The following ZNF397 variants were observed in gnomAD, a reference collection of about 807,000 sequenced individuals.
ZNF397 encodes the protein zinc finger and SCAN domain-containing protein 15.
ZNF397 carries 38 observed loss-of-function variants against 50.6 expected under a neutral mutation model. That is an observed-to-expected ratio of 0.75 (90% CI 0.58 to 0.98). The LOEUF is 0.98. Among genes scored for constraint, ZNF397 ranks in the 50% least tolerant of loss-of-function variants. The pLI is 0.00. For synonymous variants in ZNF397, 228 were observed against 215.2 expected (o/e 1.06, Z -0.52); for missense variants, 624 against 624.1 (o/e 1.00, Z 0.00).
At position 35,249,634 on chromosome 18, in the gene ZNF397, CAG is replaced by C. The variant is rs2043539215; in HGVS notation, c.*3327_*3328del. ...TACCACTGTATTCCAGCCTGGGTGA[CAG>C]AGTGAGACTGTGTCTCAAAAAAAAA... On this transcript the variant is annotated 3_prime_UTR_variant, in exon 4 of 4. Coordinates refer to ENST00000330501, the MANE Select transcript of ZNF397 (RefSeq NM_001135178.3). The C allele has an allele frequency of 2.9e-5, 3 of 102,754 alleles. No homozygotes were observed. The highest frequency in any genetic ancestry group is 1.6e-4 in the Admixed American group (1 of 6,094). The allele number at this position is 102,754 out of a possible 1,614,324, so 6.4% of individuals were successfully genotyped here. A position where few individuals can be genotyped will look rare whatever the true frequency, so the allele number is the denominator to read the frequency against.
rs753489329 is a variant in ZNF397, at chr18:35,247,666, A to ATTTTTTTTTTTTTTTTTTTTTTTTTT, written c.*1381_*1382insTTTTTTTTTTTTTTTTTTTTTTTTTT. 1 of 71,946 alleles carries ATTTTTTTTTTTTTTTTTTTTTTTTTT rather than the reference A, an allele frequency of 1.4e-5. No homozygotes were observed. Among genetic ancestry groups the ATTTTTTTTTTTTTTTTTTTTTTTTTT allele is most frequent in the Non-Finnish European group, 2.4e-5 (1 of 41,590 alleles). 4.5% of individuals were successfully genotyped at this position (71,946 alleles called of 1,614,324 possible). On this transcript the variant is annotated 3_prime_UTR_variant, in exon 4 of 4. Transcript: ENST00000330501. ...CCAGTATTTCACAATATCTTTTGCAATTTTTTTTTTTTTTTTTTTTTTTTT... is the reference window on the plus strand; with the variant it reads ...CCAGTATTTCACAATATCTTTTGCAATTTTTTTTTTTTTTTTTTTTTTTTTTTTTTTTTTTTTTTTTTTTTTTTTTT...
chr18:35,245,921 T>A lies in ZNF397; in HGVS notation c.1216T>A (p.Phe406Ile). ...TGAGTGTAATGAATGTGGGAAAACCTTTAGCCAGAGCTCAAAACTCATTAG... is the reference window on the plus strand; with the variant it reads ...TGAGTGTAATGAATGTGGGAAAACCATTAGCCAGAGCTCAAAACTCATTAG... ...PYECNECGKTFSQSSKLIRHQ... is the reference protein window; with the variant it reads ...PYECNECGKTISQSSKLIRHQ... Residue 406 changes from phenylalanine to isoleucine, a missense_variant, in exon 4 of 4, where the codon TTT (phenylalanine) becomes ATT (isoleucine). Phe to Ile is a conservative substitution (Grantham distance 21). Transcript: ENST00000330501. 6.4e-7 allele frequency: 1 copy of A among 1,572,584 alleles called. No individual in the cohort carries two copies. Among genetic ancestry groups the A allele is most frequent in the East Asian group, 2.4e-5 (1 of 42,428 alleles).
chr18:35,255,964 A>G (rs1378425520), intron 5 of ZNF397, among the ~76,000 whole-genome samples: 2 of 152,256 alleles, frequency 1.3e-5, no homozygotes, highest in African/African-American at 4.8e-5. Flanking sequence ...GAAAGTAATA[A>G]ATAGGTCAAA....
chr18:35,242,122 T>TTC (rs1456987290), intron 1 of ZNF397, among the ~76,000 whole-genome samples: 2 of 152,242 alleles, frequency 1.3e-5, no homozygotes, highest in Non-Finnish European at 2.9e-5. Context: ...AAAGGAAATT[T>TTC]TCTCACTATG....
At chr18:35,257,799 T>C in intron 5 of ZNF397, 1 of 756,716 alleles carries the variant, frequency 1.3e-6, no homozygotes, top group South Asian at 1.4e-5. Context: ...GAGACAACTC[T>C]GCAGTGCAAT....
chr18:35,245,384 G>A lies in ZNF397; in HGVS notation c.679G>A (p.Gly227Arg), dbSNP rs767853301. 3.7e-6 allele frequency: 6 copies of A among 1,604,096 alleles called. No individual in the cohort carries two copies. In the South Asian group the frequency reaches 4.5e-5, roughly 12 times the overall value. Residue 227 changes from glycine (G) to arginine (R), a missense_variant, in exon 4 of 4, where the codon GGA becomes AGA. Coordinates refer to ENST00000330501, the MANE Select transcript of ZNF397 (RefSeq NM_001135178.3). ...EHESNLVWKQ[G>R]SATGEKLRSP... ...TGAAAGCAATTTAGTGTGGAAGCAA[G>A]GAAGTGCTACAGGGGAGAAACTAAG... is the stretch of plus-strand genomic sequence containing the variant.
Position 35,246,644 on chromosome 18 carries a change from G to T in ZNF397, c.*334G>T, listed in dbSNP as rs1056427347. ...CAACCCAGGCTCTGTCACTGCATCT[G>T]ATTGTTAGTGTGCCAGGTTATGGGG... On this transcript the variant is annotated 3_prime_UTR_variant, in exon 4 of 4. Coordinates refer to ENST00000330501, the MANE Select transcript of ZNF397 (RefSeq NM_001135178.3). 3 of 1,044,934 alleles carry T rather than the reference G, an allele frequency of 2.9e-6. No homozygotes were observed. The highest frequency in any genetic ancestry group is 1.7e-4 in the East Asian group (2 of 11,894). 64.7% of individuals were successfully genotyped at this position (1,044,934 alleles called of 1,614,324 possible). A position where few individuals can be genotyped will look rare whatever the true frequency, so the allele number is the denominator to read the frequency against.
chr18:35,250,525 G>A (rs1178108410), downstream of ZNF397, among the ~76,000 whole-genome samples: 2 of 151,948 alleles, frequency 1.3e-5, no homozygotes, highest in African/African-American at 2.4e-5. Flanking sequence ...GTGCAATTTA[G>A]TGTACTTAAC....
At chr18:35,244,592 C>A (rs193128065) in intron 3 of ZNF397, among the ~76,000 whole-genome samples, 1 of 152,108 alleles carries the variant, frequency 6.6e-6, no homozygotes, top group Non-Finnish European at 1.5e-5. Context: ...TAAGAAGGAA[C>A]AGCCACAGAA....
chr18:35,253,447 G>C, downstream of ZNF397: 1 of 1,558,832 alleles, frequency 6.4e-7, no homozygotes, highest in Non-Finnish European at 8.7e-7. Context: ...CTTACCCACA[G>C]AGTTAAACTC....
In ZNF397 at chr18:35,245,923, TAGCC is replaced by T. The variant is rs2043471769; in HGVS notation, c.1221_1224del (p.Ser407ArgfsTer33). 1 of 1,573,126 alleles carries T rather than the reference TAGCC, an allele frequency of 6.4e-7. No homozygotes were observed. The highest frequency in any genetic ancestry group is 1.2e-5 in the South Asian group (1 of 85,804). ...AGTGTAATGAATGTGGGAAAACCTT[TAGCC>T]AGAGCTCAAAACTCATTAGACATCA... On this transcript the variant is annotated frameshift_variant, in exon 4 of 4. Coordinates refer to ENST00000330501, the MANE Select transcript of ZNF397 (RefSeq NM_001135178.3). LOFTEE classifies it high-confidence loss of function.
chr18:35,243,592 G>A lies in ZNF397; in HGVS notation c.556+299G>A, dbSNP rs760135594. On this transcript the variant is annotated intron_variant, in intron 3 of 3. Coordinates refer to ENST00000330501, the MANE Select transcript of ZNF397 (RefSeq NM_001135178.3). ...AGGTTTCAGGTCTAGGTGGGTGATG[G>A]ACAAATAAAAAGGCAGTTGCAATGT... is the stretch of plus-strand genomic sequence containing the variant. The A allele has an allele frequency of 5.4e-5, 32 of 595,834 alleles. No individual in the cohort carries two copies. The African/African-American group carries it at 5.6e-4, about 10-fold the overall frequency. The allele number at this position is 595,834 out of a possible 1,614,324, so 36.9% of individuals were successfully genotyped here.
downstream of ZNF397, chr18:35,259,041 T>C (rs942730263): frequency 6.5e-6 from 1 of 154,016 alleles, no homozygotes; most frequent in Admixed American, 6.5e-5. Flanking sequence ...TAATATAGTA[T>C]GTTTACTAGG....
chr18:35,252,589 C>A (rs965260796), downstream of ZNF397: 4 of 152,146 alleles, frequency 2.6e-5, no homozygotes, highest in African/African-American at 9.7e-5. Flanking sequence ...TCTCTTCTCC[C>A]CTGCCCTTGC....
chr18:35,257,611 T>A, intron 5 of ZNF397: 1 of 363,572 alleles, frequency 2.8e-6, no homozygotes, highest in Non-Finnish European at 5.0e-6. Context: ...GAGAAGTAAA[T>A]CCGTGTTGTT....
At chr18:35,254,020 G>A (rs151129080), downstream of ZNF397, 6 of 1,614,188 alleles carry the variant, frequency 3.7e-6, no homozygotes, top group African/African-American at 4.0e-5. Flanking sequence ...CCTTCCCACA[G>A]TCAAAGCACT....
chr18:35,253,941 T>C (rs867999879), downstream of ZNF397: 1 of 1,614,200 alleles, frequency 6.2e-7, no homozygotes, highest in Non-Finnish European at 8.5e-7. Flanking sequence ...CCACATTCTT[T>C]ACATGCATAA....
chr18:35,242,267 T>G (rs941737046), intron 1 of ZNF397, 124 bp from the exon 2 acceptor site: 4 of 480,616 alleles, frequency 8.3e-6, no homozygotes, highest in Non-Finnish European at 1.5e-5. Flanking sequence ...CATTATTGTT[T>G]TATTTAGTGA....
chr18:35,255,231 G>A (rs746433070), intron 5 of ZNF397, among the ~76,000 whole-genome samples: 1 of 151,148 alleles, frequency 6.6e-6, no homozygotes, highest in East Asian at 2.0e-4. Context: ...TGAGTTACTG[G>A]AAATCTCTCT....
Sources: allele counts gnomAD v4.1 joint callset (sites outside exome capture counted in the v4.1 genomes callset), GRCh38; gene constraint gnomAD v4.1.1; transcripts MANE v1.5; gene names NCBI Gene and HGNC (gene_info 2026-07-23, HGNC 2026-07-21).